Variants in MRPL47 observed in about 807,000 individuals in gnomAD.
The protein encoded by MRPL47 is mitochondrial ribosomal protein L47, also known as large ribosomal subunit protein uL29m.
Under a neutral mutation model 34.0 loss-of-function variants are expected in MRPL47, and 31 were observed. The ratio of observed to expected loss-of-function variants is 0.91; its 90% CI spans 0.68 to 1.23. The LOEUF (loss-of-function observed/expected upper bound fraction) is 1.23, where lower values mean the gene tolerates loss of function less well. MRPL47 is among the 50% of genes most tolerant of loss of function. MRPL47 has a pLI of 0.00. For missense variants in MRPL47, 328 were observed against 285.8 expected, an observed-to-expected ratio of 1.15 and a Z score of -1.07; for synonymous variants, 106 against 101.6, an observed-to-expected ratio of 1.04 and a Z score of -0.26.
chr3:179,593,652 A>G, intron 5 of MRPL47, 113 bp downstream of exon 5: 16 of 657,928 alleles, frequency 2.4e-5, no homozygotes, highest in Non-Finnish European at 3.6e-5. Context: ...TATTAGACAT[A>G]TCTCTAATAT....
At chr3:179,597,929 C>A (rs1718826260) in intron 4 of MRPL47, among the ~76,000 whole-genome samples, 1 of 152,144 alleles carries the variant, frequency 6.6e-6, no homozygotes, top group African/African-American at 2.4e-5. Flanking sequence ...ATTTTTACCA[C>A]AGTTATTTTA....
intron 4 of MRPL47, 100 bp downstream of exon 4, chr3:179,598,574 TA>T (rs1718849831): frequency 3.8e-6 from 3 of 791,834 alleles, no homozygotes; most frequent in South Asian, 2.9e-5. Flanking sequence ...ATCAAACGAA[TA>T]AGAAAAAAAA....
intron 6 of MRPL47, among the ~76,000 whole-genome samples, chr3:179,592,195 G>A (rs145836273): frequency 1.8e-3 from 272 of 149,356 alleles, no homozygotes; most frequent in African/African-American, 6.2e-3. Context: ...TACCTATTTT[G>A]TTTGTTTGTT....
intron 4 of MRPL47, among the ~76,000 whole-genome samples, chr3:179,595,283 A>C (rs945822047): frequency 1.3e-5 from 2 of 152,126 alleles, no homozygotes; most frequent in African/African-American, 4.8e-5. Context: ...CCTTGGGCTC[A>C]AGTGATCTAT....
At chr3:179,599,575 T>A (rs1457562009) in intron 3 of MRPL47, among the ~76,000 whole-genome samples, 1 of 152,236 alleles carries the variant, frequency 6.6e-6, no homozygotes, top group African/African-American at 2.4e-5. Flanking sequence ...TCTCTGTGTA[T>A]AAAATCCATT....
intron 4 of MRPL47, among the ~76,000 whole-genome samples, chr3:179,596,714 C>T (rs1382516021): frequency 6.6e-6 from 1 of 152,136 alleles, no homozygotes; most frequent in Non-Finnish European, 1.5e-5. Context: ...TTTGGTGGTG[C>T]AATCGTGGCT....
Position 179,593,793 on chromosome 3 carries a change from T to C in MRPL47, c.505A>G (p.Arg169Gly). 6.2e-7 allele frequency: 1 copy of C among 1,613,818 alleles called. No homozygotes were observed. Residue 169 changes from arginine to glycine, a missense_variant, in exon 5 of 7, where the codon AGA (arginine) becomes GGA (glycine). Transcript: ENST00000476781. ...ATGATTCTTCCAAAGATGTCTCTTC[T>C]CCAAGCACCAGGTCTAGCTCTTTCT... ...GQERARPGAWRRDIFGRIIWH... is the reference protein window; with the variant it reads ...GQERARPGAWGRDIFGRIIWH...
chr3:179,601,903 A>C, intron 2 of MRPL47, 113 bp from the exon 3 acceptor site: 1 of 677,592 alleles, frequency 1.5e-6, no homozygotes, highest in Admixed American at 2.8e-5. Flanking sequence ...AAAATATATA[A>C]CAGCTTTTTT....
At chr3:179,595,791 C>T (rs1183631272) in intron 4 of MRPL47, among the ~76,000 whole-genome samples, 1 of 152,226 alleles carries the variant, frequency 6.6e-6, no homozygotes, top group Non-Finnish European at 1.5e-5. Context: ...AACAAGTCAA[C>T]CTCAAAGAGC....
intron 6 of MRPL47, among the ~76,000 whole-genome samples, chr3:179,592,342 C>G (rs1214253054): frequency 6.6e-6 from 1 of 152,008 alleles, no homozygotes; most frequent in Non-Finnish European, 1.5e-5. Flanking sequence ...CTACAGGTGC[C>G]CACCACCATG....
intron 6 of MRPL47, among the ~76,000 whole-genome samples, chr3:179,592,356 G>A (rs1368826969): frequency 1.3e-5 from 2 of 151,906 alleles, no homozygotes; most frequent in East Asian, 1.9e-4. Context: ...CACCATGTCC[G>A]TCTAATTTTT....
chr3:179,603,017 C>T (rs1718965841), intron 1 of MRPL47, among the ~76,000 whole-genome samples: 2 of 151,918 alleles, frequency 1.3e-5, no homozygotes, highest in African/African-American at 4.8e-5. Context: ...AGTGATCCTC[C>T]CACCTTGGCC....
At chr3:179,597,821 T>A (rs1269626851) in intron 4 of MRPL47, among the ~76,000 whole-genome samples, 1 of 150,204 alleles carries the variant, frequency 6.7e-6, no homozygotes, top group African/African-American at 2.4e-5. Flanking sequence ...AAAAATAAAA[T>A]AAAAAAGTAA....
Position 179,598,672 on chromosome 3 carries a change from T to G in MRPL47, c.402+3A>C. 1 of 1,598,352 alleles carries G rather than the reference T, an allele frequency of 6.3e-7. No individual in the cohort carries two copies. The highest frequency in any genetic ancestry group is 1.1e-5 in the South Asian group (1 of 90,760). ...CCAGTCTCCAGCCTCTCCCAATCCTTACCTTATCTAACCGCTCTGGACTTG... is the reference window on the plus strand; with the variant it reads ...CCAGTCTCCAGCCTCTCCCAATCCTGACCTTATCTAACCGCTCTGGACTTG... On this transcript the variant is annotated splice_donor_region_variant and intron_variant, in intron 4 of 6. Coordinates refer to ENST00000476781, the MANE Select transcript of MRPL47 (RefSeq NM_020409.3).
intron 6 of MRPL47, among the ~76,000 whole-genome samples, chr3:179,591,709 A>G (rs975806184): frequency 6.6e-6 from 1 of 152,232 alleles, no homozygotes; most frequent in African/African-American, 2.4e-5. Context: ...ATGCAACTGA[A>G]TTATTTGGAC....
Position 179,598,668 on chromosome 3 carries a change from TCCTTA to T in MRPL47, c.402+2_402+6del, listed in dbSNP as rs756730230. 6 of 1,589,130 alleles carry T rather than the reference TCCTTA, an allele frequency of 3.8e-6. No individual in the cohort carries two copies. The highest frequency in any genetic ancestry group is 1.1e-5 in the South Asian group (1 of 90,574). Reference sequence around the variant, plus strand: ...TATACCAGTCTCCAGCCTCTCCCAATCCTTACCTTATCTAACCGCTCTGGACTTGG... The same window carrying T: ...TATACCAGTCTCCAGCCTCTCCCAATCCTTATCTAACCGCTCTGGACTTGG... On this transcript the variant is annotated splice_donor_variant and splice_donor_5th_base_variant and intron_variant, in intron 4 of 6. Transcript: ENST00000476781. LOFTEE classifies it high-confidence loss of function.
chr3:179,590,586 G>A (rs1410974910), intron 6 of MRPL47, among the ~76,000 whole-genome samples: 5 of 152,060 alleles, frequency 3.3e-5, no homozygotes, highest in Admixed American at 2.0e-4. Flanking sequence ...TTCTGACTTC[G>A]ATGAAAGGTA....
intron 3 of MRPL47, 46 bp downstream of exon 3, chr3:179,601,684 A>G (rs962013317): frequency 1.8e-5 from 21 of 1,192,120 alleles, no homozygotes; most frequent in Non-Finnish European, 2.5e-5. Context: ...TTGTTACACT[A>G]TAACGGCTTC....
intron 5 of MRPL47, among the ~76,000 whole-genome samples, chr3:179,593,102 C>G (rs1268522495): frequency 6.6e-6 from 1 of 152,106 alleles, no homozygotes; most frequent in Admixed American, 6.5e-5. Context: ...TTGGGTTGAA[C>G]AGCCTCCCCA....
Sources: allele counts gnomAD v4.1 joint callset (sites outside exome capture counted in the v4.1 genomes callset), GRCh38; gene constraint gnomAD v4.1.1; transcripts MANE v1.5; gene names NCBI Gene and HGNC (gene_info 2026-07-23, HGNC 2026-07-21).